RBFOX1: variants seen among roughly 807,000 people sequenced by gnomAD.
RBFOX1 encodes RNA binding protein fox-1 homolog 1.
Under a neutral mutation model 57.7 loss-of-function variants are expected in RBFOX1, and 8 were observed. That is an observed-to-expected ratio of 0.14 (90% CI 0.08 to 0.25). The LOEUF is 0.25. RBFOX1 is among the 10% of genes least tolerant of loss of function. RBFOX1 has a pLI of 1.00. For synonymous variants in RBFOX1, 326 were observed against 222.4 expected (o/e 1.47, Z -4.15); for missense variants, 611 against 548.5 (o/e 1.11, Z -1.14).
chr16:5,370,416 G>A (rs185568414), intron 1 of RBFOX1, among the ~76,000 whole-genome samples: 1 of 150,746 alleles, frequency 6.6e-6, no homozygotes, highest in African/African-American at 2.4e-5. Context: ...ATAGGGCACT[G>A]TCTGGGGCAA....
chr16:5,364,258 A>C (rs1034105992), intron 1 of RBFOX1, among the ~76,000 whole-genome samples: 1 of 152,154 alleles, frequency 6.6e-6, no homozygotes, highest in Non-Finnish European at 1.5e-5. Flanking sequence ...TGCTGGTTTG[A>C]GATGTGAATG....
chr16:6,898,250 G>A (rs933998927), intron 3 of RBFOX1, among the ~76,000 whole-genome samples: 2 of 152,148 alleles, frequency 1.3e-5, no homozygotes, highest in African/African-American at 4.8e-5. Flanking sequence ...TCTGACTCCA[G>A]CTGTGATCAC....
chr16:5,736,048 C>A (rs1179149520), intron 3 of RBFOX1, among the ~76,000 whole-genome samples: 3 of 152,032 alleles, frequency 2.0e-5, no homozygotes, highest in African/African-American at 7.2e-5. Flanking sequence ...GACATGCTGA[C>A]CTTAGAGTTC....
At chr16:7,441,303 G>A (rs1239975012) in intron 4 of RBFOX1, among the ~76,000 whole-genome samples, 1 of 152,172 alleles carries the variant, frequency 6.6e-6, no homozygotes, top group East Asian at 1.9e-4. Flanking sequence ...GGAGCTGTTA[G>A]CATATTAGTT....
intron 1 of RBFOX1, among the ~76,000 whole-genome samples, chr16:5,377,394 T>A (rs1433722646): frequency 6.6e-6 from 1 of 150,580 alleles, no homozygotes; most frequent in African/African-American, 2.5e-5. Flanking sequence ...TGAGAAGGAG[T>A]TGACCAGGCA....
At chr16:7,403,847 C>T (rs1597555015) in intron 4 of RBFOX1, among the ~76,000 whole-genome samples, 1 of 150,990 alleles carries the variant, frequency 6.6e-6, no homozygotes, top group African/African-American at 2.4e-5. Flanking sequence ...TGCCGGGGCT[C>T]CTTGTTTTCT....
chr16:6,302,929 C>G (rs915718587), intron 1 of RBFOX1, among the ~76,000 whole-genome samples: 2 of 152,094 alleles, frequency 1.3e-5, no homozygotes, highest in Non-Finnish European at 2.9e-5. Context: ...GCATAAATGA[C>G]TTGAAAAAAT....
Position 7,710,988 on chromosome 16 carries a change from T to G in RBFOX1, c.*243T>G, listed in dbSNP as rs1469618325. 2.3e-6 allele frequency: 1 copy of G among 437,554 alleles called. No homozygotes were observed. Among genetic ancestry groups the G allele is most frequent in the Non-Finnish European group, 3.8e-6 (1 of 263,466 alleles). 27.1% of individuals were successfully genotyped at this position (437,554 alleles called of 1,614,324 possible). On this transcript the variant is annotated 3_prime_UTR_variant, in exon 16 of 16. Coordinates refer to ENST00000550418, the MANE Select transcript of RBFOX1 (RefSeq NM_018723.4). ...TTTGGTTGCTGGCTGTAGGAGTTTTTGTGGTTGATCTAGACAGATGCTAGA... is the reference window on the plus strand; with the variant it reads ...TTTGGTTGCTGGCTGTAGGAGTTTTGGTGGTTGATCTAGACAGATGCTAGA...
intron 2 of RBFOX1, among the ~76,000 whole-genome samples, chr16:6,586,762 G>A (rs759441327): frequency 1.3e-5 from 2 of 152,182 alleles, no homozygotes; most frequent in African/African-American, 2.4e-5. Context: ...GATAAGTCCC[G>A]GCCAGATCTC....
At chr16:6,789,554 A>G (rs73530767) in intron 3 of RBFOX1, among the ~76,000 whole-genome samples, 8,039 of 152,268 alleles carry the variant, frequency 0.053, 462 homozygotes, top group East Asian at 0.28. Flanking sequence ...TGCACTCAAT[A>G]GGCGCCATTT....
At chr16:7,478,511 G>A (rs557777710) in intron 4 of RBFOX1, among the ~76,000 whole-genome samples, 2 of 152,214 alleles carry the variant, frequency 1.3e-5, no homozygotes, top group African/African-American at 4.8e-5. Context: ...GAGAGGGGGA[G>A]TCCCTGGTAC....
chr16:7,215,641 G>T (rs1374230634), intron 4 of RBFOX1, among the ~76,000 whole-genome samples: 1 of 151,818 alleles, frequency 6.6e-6, no homozygotes, highest in Non-Finnish European at 1.5e-5. Flanking sequence ...AGATCCTCGG[G>T]CAGATTAGCA....
At chr16:7,429,197 T>C (rs1302706619) in intron 4 of RBFOX1, among the ~76,000 whole-genome samples, 1 of 152,274 alleles carries the variant, frequency 6.6e-6, no homozygotes, top group South Asian at 2.1e-4. Flanking sequence ...GGAGGGGACA[T>C]CTACTGGACA....
chr16:6,050,502 T>C (rs2095541474), intron 1 of RBFOX1, among the ~76,000 whole-genome samples: 1 of 152,208 alleles, frequency 6.6e-6, no homozygotes, highest in African/African-American at 2.4e-5. Flanking sequence ...TCATTTCTTC[T>C]TCCAAGAAGA....
At chr16:5,929,983 G>A (rs1273002333) in intron 4 of RBFOX1, among the ~76,000 whole-genome samples, 6 of 152,038 alleles carry the variant, frequency 3.9e-5, no homozygotes, top group African/African-American at 1.2e-4. Flanking sequence ...GAGAAAGACG[G>A]ATGCACTACG....
intron 3 of RBFOX1, among the ~76,000 whole-genome samples, chr16:7,041,082 A>ATTTTTTTTTTTTTTTTTT (rs61569211): frequency 8.2e-5 from 9 of 109,304 alleles, no homozygotes; most frequent in Non-Finnish European, 1.5e-4. Flanking sequence ...CGCCCAGCTA[A>ATTTTTTTTTTTTTTTTTT]TTTTTTTTTT....
At chr16:6,854,924 A>G (rs143836634) in intron 3 of RBFOX1, among the ~76,000 whole-genome samples, 21 of 151,984 alleles carry the variant, frequency 1.4e-4, no homozygotes, top group African/African-American at 3.1e-4. Flanking sequence ...TCTGGTTTCT[A>G]TATGACAGAG....
At chr16:6,870,661 A>G (rs577152624) in intron 3 of RBFOX1, among the ~76,000 whole-genome samples, 2 of 152,350 alleles carry the variant, frequency 1.3e-5, no homozygotes, top group Middle Eastern at 3.4e-3. Context: ...GATGATGGGA[A>G]TATTACCATA....
At chr16:5,866,692 C>T (rs547848400) in intron 3 of RBFOX1, among the ~76,000 whole-genome samples, 80 of 152,198 alleles carry the variant, frequency 5.3e-4, no homozygotes, top group Non-Finnish European at 9.6e-4. Flanking sequence ...AATAACATCC[C>T]GACTTTGGAA....
Sources: allele counts gnomAD v4.1 joint callset (sites outside exome capture counted in the v4.1 genomes callset), GRCh38; gene constraint gnomAD v4.1.1; transcripts MANE v1.5; gene names NCBI Gene and HGNC (gene_info 2026-07-23, HGNC 2026-07-21).